The following HECW1 variants were observed in gnomAD, a reference collection of about 807,000 sequenced individuals.
The protein encoded by HECW1 is HECT, C2 and WW domain containing E3 ubiquitin protein ligase 1.
In HECW1, 61 loss-of-function variants were observed where a neutral mutation model predicts 182.3. The ratio of observed to expected loss-of-function variants is 0.33; its 90% CI spans 0.27 to 0.41. The LOEUF (loss-of-function observed/expected upper bound fraction) is 0.41, where lower values mean the gene tolerates loss of function less well. Ranked by LOEUF, HECW1 falls within the 10% of genes least tolerant of loss-of-function variation. HECW1 has a pLI of 1.00. For synonymous variants in HECW1, 859 were observed against 832.6 expected, an observed-to-expected ratio of 1.03 and a Z score of -0.55; for missense variants, 1,739 against 2,108.9, an observed-to-expected ratio of 0.82 and a Z score of 3.44.
chr7:43,495,627 A>G (rs976593785), intron 19 of HECW1, among the ~76,000 whole-genome samples: 1 of 152,178 alleles, frequency 6.6e-6, no homozygotes, highest in African/African-American at 2.4e-5. Flanking sequence ...AGTGAATGAA[A>G]GATCTTTAGC....
Position 43,527,098 on chromosome 7 carries a change from AACTAGAC to A in HECW1, c.4020-14061_4020-14055del, listed in dbSNP as rs2080789593. Among the ~76,000 whole-genome samples the A allele has an allele frequency of 3.3e-5, 5 of 152,322 alleles. No individual in the cohort carries two copies. The South Asian group carries it at 1.0e-3, about 32-fold the overall frequency. The stretch of plus-strand genomic sequence containing the variant: ...ATTTTCTATATAATTCTGGGCTTGG[AACTAGAC>A]ACTGTATCTCATTCTAAAACTAGAT... On this transcript the variant is annotated intron_variant, in intron 24 of 29. Coordinates refer to ENST00000395891, the MANE Select transcript of HECW1 (RefSeq NM_015052.5).
chr7:43,288,238 G>T (rs1177052907), intron 3 of HECW1, among the ~76,000 whole-genome samples: 1 of 152,184 alleles, frequency 6.6e-6, no homozygotes, highest in East Asian at 1.9e-4. Context: ...ACATGCTGCA[G>T]TGAAGGCTGT....
chr7:43,159,337 C>T (rs145434857), intron 2 of HECW1, among the ~76,000 whole-genome samples: 1 of 151,320 alleles, frequency 6.6e-6, no homozygotes, highest in Non-Finnish European at 1.5e-5. Flanking sequence ...TCCCCCAGCC[C>T]CCAACCCCCC....
intron 2 of HECW1, among the ~76,000 whole-genome samples, chr7:43,232,204 A>T (rs1159274223): frequency 1.3e-5 from 2 of 152,168 alleles, no homozygotes; most frequent in African/African-American, 4.8e-5. Flanking sequence ...GCCACAGGAA[A>T]GAAGAAAGAC....
Position 43,445,121 on chromosome 7 carries a change from C to T in HECW1, c.1949C>T (p.Thr650Met), listed in dbSNP as rs748444493. ...LANGAAQDGD[T>M]HPSTGSESDS... is the part of the protein sequence containing the mutation. The stretch of plus-strand genomic sequence containing the variant: ...AATGGCGCGGCCCAGGATGGCGACA[C>T]GCACCCCAGCACCGGGAGCGAGAGC... Residue 650 changes from threonine to methionine, a missense_variant, in exon 11 of 30, where the codon ACG (threonine) becomes ATG (methionine). Physicochemically the swap from Thr to Met is moderately conservative, Grantham distance 81. Around this residue, in one of 5 missense-constraint regions of HECW1, gnomAD observed 971 missense variants for 1,029.1 expected, o/e 0.94. Transcript: ENST00000395891. 2.0e-5 allele frequency: 32 copies of T among 1,608,310 alleles called. No homozygotes were observed. The highest frequency in any genetic ancestry group is 4.5e-5 in the East Asian group (2 of 44,816).
rs188644722 is a variant in HECW1 at position 43,349,226 on chromosome 7, G to T, written c.461-11660G>T. Among the ~76,000 whole-genome samples, 644 of 152,212 alleles carry T rather than the reference G, an allele frequency of 4.2e-3. 3 individuals are homozygous for T. The highest frequency in any genetic ancestry group is 0.015 in the African/African-American group (608 of 41,526). On this transcript the variant is annotated intron_variant, in intron 5 of 29. Transcript: ENST00000395891. Reference sequence around the variant, plus strand: ...ATTTTGTATTTTTAGTAGAGACGGGGTTTCTCCATGTTGATTAGGCCGGTC... The same window carrying T: ...ATTTTGTATTTTTAGTAGAGACGGGTTTTCTCCATGTTGATTAGGCCGGTC...
chr7:43,272,579 C>T (rs1025633498), intron 3 of HECW1, among the ~76,000 whole-genome samples: 9 of 152,024 alleles, frequency 5.9e-5, no homozygotes, highest in African/African-American at 1.9e-4. Context: ...AGAAATGCTC[C>T]GTGTCACTAA....
chr7:43,224,908 G>C (rs913446768), intron 2 of HECW1, among the ~76,000 whole-genome samples: 12 of 152,224 alleles, frequency 7.9e-5, no homozygotes, highest in African/African-American at 2.9e-4. Flanking sequence ...GGAGTGGCTG[G>C]GAGAGGCCTG....
At position 43,562,204 on chromosome 7, in the gene HECW1, T is replaced by C; in HGVS notation, c.*278T>C. The C allele has an allele frequency of 3.1e-6, 1 of 322,674 alleles. No individual in the cohort carries two copies. The allele number at this position is 322,674 out of a possible 1,614,324, so 20.0% of individuals were successfully genotyped here. On this transcript the variant is annotated 3_prime_UTR_variant, in exon 30 of 30. Transcript: ENST00000395891. ...AGGTCTGTGTATATCTCCACATACC[T>C]CCATTACTAACAATGAAATATGAAT... is the stretch of plus-strand genomic sequence containing the variant.
intron 2 of HECW1, among the ~76,000 whole-genome samples, chr7:43,192,232 T>G (rs1793991108): frequency 1.3e-5 from 2 of 152,220 alleles, no homozygotes; most frequent in South Asian, 4.1e-4. Context: ...GTGCTGCGAT[T>G]ACAGGCGTGA....
At chr7:43,435,081 C>T (rs973330282) in intron 8 of HECW1, among the ~76,000 whole-genome samples, 1 of 151,526 alleles carries the variant, frequency 6.6e-6, no homozygotes, top group African/African-American at 2.4e-5. Flanking sequence ...GTTTGTGTTA[C>T]TTAACACTGC....
At chr7:43,257,267 T>C (rs1800677710) in intron 3 of HECW1, among the ~76,000 whole-genome samples, 1 of 152,220 alleles carries the variant, frequency 6.6e-6, no homozygotes, top group Admixed American at 6.5e-5. Flanking sequence ...TTAAACAGAA[T>C]TGATCTGATG....
intron 17 of HECW1, among the ~76,000 whole-genome samples, chr7:43,487,359 A>C (rs892664486): frequency 1.3e-5 from 2 of 152,244 alleles, no homozygotes; most frequent in African/African-American, 2.4e-5. Flanking sequence ...AAATGTTTGA[A>C]GTTTTCACAT....
chr7:43,450,277 A>C (rs1239622872), intron 11 of HECW1, among the ~76,000 whole-genome samples: 1 of 151,886 alleles, frequency 6.6e-6, no homozygotes, highest in Non-Finnish European at 1.5e-5. Flanking sequence ...TTCCTACTAC[A>C]GGAATTTACT....
At chr7:43,400,012 G>C (rs770559267) in intron 7 of HECW1, among the ~76,000 whole-genome samples, 13 of 152,180 alleles carry the variant, frequency 8.5e-5, no homozygotes, top group Non-Finnish European at 1.6e-4. Context: ...AAGGCAGAAG[G>C]ATTGCTTGAG....
chr7:43,124,191 T>C (rs2152608920), intron 2 of HECW1, among the ~76,000 whole-genome samples: 1 of 152,386 alleles, frequency 6.6e-6, no homozygotes, highest in African/African-American at 2.4e-5. Flanking sequence ...AGATATTTTT[T>C]TCTTCACTGT....
Position 43,125,757 on chromosome 7 carries a change from T to TAAAAAAAAAA in HECW1, c.-32+11380_-32+11389dup, listed in dbSNP as rs57874835. Among the ~76,000 whole-genome samples the TAAAAAAAAAA allele has an allele frequency of 4.2e-3, 363 of 86,504 alleles. 10 individuals carry two copies. The highest frequency in any genetic ancestry group is 7.0e-3 in the Middle Eastern group (1 of 142). 56.7% of individuals were successfully genotyped at this position (86,504 alleles called of 152,430 possible). A position where few individuals can be genotyped will look rare whatever the true frequency, so the allele number is the denominator to read the frequency against. ...TGGGTGACAGAGCGAGATTCTGTCTTAAAAAAAAAAAAAAAAAAAAAAAGA... is the reference window on the plus strand; with the variant it reads ...TGGGTGACAGAGCGAGATTCTGTCTTAAAAAAAAAAAAAAAAAAAAAAAAAAAAAAAAAGA... On this transcript the variant is annotated intron_variant, in intron 2 of 29. Transcript: ENST00000395891.
chr7:43,114,302 C>G lies in HECW1; in HGVS notation c.-121C>G, dbSNP rs764927144. ...CCCGAAAAGGCCAACCGTTAAAGAC[C>G]CCGGCAGTGTTGTGGTCCAAGGCGT... On this transcript the variant is annotated 5_prime_UTR_variant, in exon 2 of 30. Coordinates refer to ENST00000395891, the MANE Select transcript of HECW1 (RefSeq NM_015052.5). The G allele has an allele frequency of 1.5e-6, 2 of 1,363,266 alleles. No homozygotes were observed. The highest frequency in any genetic ancestry group is 2.4e-5 in the South Asian group (2 of 81,646). The allele number at this position is 1,363,266 out of a possible 1,614,324, so 84.4% of individuals were successfully genotyped here. A position where few individuals can be genotyped will look rare whatever the true frequency, so the allele number is the denominator to read the frequency against.
chr7:43,422,530 T>C (rs1325767805), intron 8 of HECW1, among the ~76,000 whole-genome samples: 1 of 151,892 alleles, frequency 6.6e-6, no homozygotes, highest in Non-Finnish European at 1.5e-5. Context: ...GCCTGGTTAA[T>C]TTTTTTGTAT....
Sources: gnomAD v4.1 joint callset for allele counts (sites outside exome capture counted in the v4.1 genomes callset) on GRCh38, gnomAD v4.1.1 for gene constraint, gnomAD v4.1.1 regional missense constraint, MANE v1.5 for transcripts, NCBI Gene and HGNC (gene_info 2026-07-23, HGNC 2026-07-21) for gene names.